EXT2: variants seen among roughly 807,000 people sequenced by gnomAD.
The protein encoded by EXT2 is exostosin-2.
A neutral mutation model predicts 81.6 loss-of-function variants in EXT2; 53 were observed. The ratio of observed to expected loss-of-function variants is 0.65; its 90% CI spans 0.52 to 0.82. EXT2 has a LOEUF of 0.82. Among genes scored for constraint, EXT2 ranks in the 40% least tolerant of loss-of-function variants. The pLI is 0.00. For synonymous variants in EXT2, 320 were observed against 340.0 expected (o/e 0.94, Z 0.65); for missense variants, 774 against 910.2 (o/e 0.85, Z 1.93).
chr11:44,132,214 G>C (rs1414864685), intron 7 of EXT2, among the ~76,000 whole-genome samples: 1 of 152,238 alleles, frequency 6.6e-6, no homozygotes, highest in African/African-American at 2.4e-5. Context: ...CCCTGAAGCT[G>C]TGAAAGAGAA....
chr11:44,189,684 C>T (rs1325516586), intron 8 of EXT2, among the ~76,000 whole-genome samples: 3 of 152,278 alleles, frequency 2.0e-5, no homozygotes, highest in Non-Finnish European at 2.9e-5. Flanking sequence ...CCCACCAGGC[C>T]CCTCCTCCAA....
intron 7 of EXT2, among the ~76,000 whole-genome samples, chr11:44,144,744 T>C (rs1191363266): frequency 6.6e-6 from 1 of 152,212 alleles, no homozygotes; most frequent in East Asian, 1.9e-4. Context: ...CCCCTTCTTG[T>C]TTCCTGGAGG....
At position 44,247,527 on chromosome 11, in the gene EXT2, C is replaced by G. The variant is rs1268655250; in HGVS notation, c.*3240C>G. On this transcript the variant is annotated 3_prime_UTR_variant, in exon 14 of 14. Transcript: ENST00000533608. Reference sequence around the variant, plus strand: ...TTGACCTCCCAAAGTGCTGGGATTACGGGCGTGAGTCCCCACGCTCAGCCA... The same window carrying G: ...TTGACCTCCCAAAGTGCTGGGATTAGGGGCGTGAGTCCCCACGCTCAGCCA... Among the ~76,000 whole-genome samples, 32 of 152,334 alleles carry G rather than the reference C, an allele frequency of 2.1e-4. No individual in the cohort carries two copies. The highest frequency in any genetic ancestry group is 2.0e-3 in the Admixed American group (31 of 15,302).
chr11:44,143,511 G>A (rs1590590266), intron 7 of EXT2, among the ~76,000 whole-genome samples: 1 of 152,184 alleles, frequency 6.6e-6, no homozygotes, highest in Non-Finnish European at 1.5e-5. Context: ...TCCTTCAGAT[G>A]AGAAGGGGCA....
chr11:44,118,844 A>G (rs12365900), intron 4 of EXT2, among the ~76,000 whole-genome samples: 34,380 of 151,874 alleles, frequency 0.23, 4,852 homozygotes, highest in Middle Eastern at 0.32. Flanking sequence ...GTAGCACGAG[A>G]TAGAAATAAC....
intron 8 of EXT2, among the ~76,000 whole-genome samples, chr11:44,177,025 A>G (rs76653141): frequency 1.3e-5 from 2 of 151,998 alleles, no homozygotes; most frequent in Non-Finnish European, 2.9e-5. Flanking sequence ...TCTTATCTGT[A>G]AAACTAGGGT....
At chr11:44,156,705 C>T (rs1017400604) in intron 7 of EXT2, among the ~76,000 whole-genome samples, 9 of 152,188 alleles carry the variant, frequency 5.9e-5, no homozygotes, top group Non-Finnish European at 8.8e-5. Context: ...CTCTGTCACT[C>T]CAGGATTGGT....
At chr11:44,242,713 A>G (rs1363167637) in intron 13 of EXT2, among the ~76,000 whole-genome samples, 1 of 152,214 alleles carries the variant, frequency 6.6e-6, no homozygotes, top group African/African-American at 2.4e-5. Context: ...CTGTCACATA[A>G]TAGGTGCTCA....
chr11:44,097,616 TTG>T (rs1426582617), intron 1 of EXT2, among the ~76,000 whole-genome samples: 1 of 151,892 alleles, frequency 6.6e-6, no homozygotes, highest in Admixed American at 6.6e-5. Context: ...TGATGAAAAC[TTG>T]TCTCTACTAA....
At chr11:44,235,641 C>A (rs928315804) in intron 12 of EXT2, among the ~76,000 whole-genome samples, 2 of 152,144 alleles carry the variant, frequency 1.3e-5, no homozygotes, top group African/African-American at 4.8e-5. Flanking sequence ...TTAGCCTAGA[C>A]TTAGTTATCT....
At position 44,189,425 on chromosome 11, in the gene EXT2, A is replaced by C. The variant is rs1261211691; in HGVS notation, c.1306-8404A>C. Among the ~76,000 whole-genome samples the C allele has an allele frequency of 5.3e-5, 8 of 152,236 alleles. No homozygotes were observed. The East Asian group carries it at 1.5e-3, about 29-fold the overall frequency. On this transcript the variant is annotated intron_variant, in intron 8 of 13. Coordinates refer to ENST00000533608, the MANE Select transcript of EXT2 (RefSeq NM_207122.2). ...AGAATTACCTGAGACTGGATAATTT[A>C]GAAAGAAAAGAGGTTTAATTGGCTC...
chr11:44,237,671 T>C (rs1955982185), intron 13 of EXT2, among the ~76,000 whole-genome samples: 1 of 151,924 alleles, frequency 6.6e-6, no homozygotes, highest in Non-Finnish European at 1.5e-5. Flanking sequence ...AAAGGAAGTA[T>C]AGGAAGAAAA....
rs986537048 is a variant in EXT2 at position 44,249,993 on chromosome 11, C to G, written c.*5706C>G. Among the ~76,000 whole-genome samples the G allele has an allele frequency of 4.6e-5, 7 of 152,206 alleles. No homozygotes were observed. The highest frequency in any genetic ancestry group is 1.7e-4 in the African/African-American group (7 of 41,448). On this transcript the variant is annotated 3_prime_UTR_variant, in exon 14 of 14. Coordinates refer to ENST00000533608, the MANE Select transcript of EXT2 (RefSeq NM_207122.2). ...GCTGAGGCAGGAGAATGGCGTGAAC[C>G]TGAGAGGTGGAGCTTGCAGTGAGCT... is the stretch of plus-strand genomic sequence containing the variant.
Position 44,108,268 on chromosome 11 carries a change from C to T in EXT2, c.536+20C>T, listed in dbSNP as rs1384936721. On this transcript the variant is annotated intron_variant, in intron 2 of 13. Transcript: ENST00000533608. ...CTCTAGGTATCTCACACTCATACAG[C>T]CCAGCCCCCAGGAGATACTTGAGTG... 6.2e-7 allele frequency: 1 copy of T among 1,607,516 alleles called. No individual in the cohort carries two copies. Among genetic ancestry groups the T allele is most frequent in the Non-Finnish European group, 8.5e-7 (1 of 1,178,846 alleles).
At chr11:44,236,564 A>C (rs1442619527) in intron 13 of EXT2, among the ~76,000 whole-genome samples, 189 bp downstream of exon 13, 1 of 152,154 alleles carries the variant, frequency 6.6e-6, no homozygotes, top group Admixed American at 6.5e-5. Context: ...AATGCTACTC[A>C]CTCAATTTGT....
Position 44,108,226 on chromosome 11 carries a change from C to A in EXT2, c.514C>A (p.Gln172Lys), listed in dbSNP as rs121918279. ...QNTLRIKETA[Q>K]AMAQLSRWDR... ...CACACTGCGCATCAAGGAGACAGCA[C>A]AAGCGATGGCCCAGCTCTCTAGGTA... is the stretch of plus-strand genomic sequence containing the variant. Residue 172 changes from glutamine to lysine, a missense_variant, in exon 2 of 14, where the codon CAA (glutamine) becomes AAA (lysine). Coordinates refer to ENST00000533608, the MANE Select transcript of EXT2 (RefSeq NM_207122.2). 1 of 1,613,066 alleles carries A rather than the reference C, an allele frequency of 6.2e-7. No individual in the cohort carries two copies. Among genetic ancestry groups the A allele is most frequent in the Non-Finnish European group, 8.5e-7 (1 of 1,180,006 alleles).
At chr11:44,155,798 C>G (rs1421058808) in intron 7 of EXT2, among the ~76,000 whole-genome samples, 1 of 152,104 alleles carries the variant, frequency 6.6e-6, no homozygotes, top group Non-Finnish European at 1.5e-5. Flanking sequence ...TTATAATATT[C>G]TGTGTGTGTC....
intron 7 of EXT2, among the ~76,000 whole-genome samples, chr11:44,166,543 TTTC>T (rs1466421229): frequency 6.6e-6 from 1 of 152,248 alleles, no homozygotes; most frequent in African/African-American, 2.4e-5. Flanking sequence ...CATGCTTTGC[TTTC>T]TTCTTATTAG....
chr11:44,139,190 TA>T (rs1954612003), intron 7 of EXT2, among the ~76,000 whole-genome samples: 1 of 151,700 alleles, frequency 6.6e-6, no homozygotes, highest in Admixed American at 6.6e-5. Context: ...AGTGACTCTT[TA>T]GCTGACCTTT....
Sources: gnomAD v4.1 joint callset for allele counts (sites outside exome capture counted in the v4.1 genomes callset) on GRCh38, gnomAD v4.1.1 for gene constraint, MANE v1.5 for transcripts, NCBI Gene and HGNC (gene_info 2026-07-23, HGNC 2026-07-21) for gene names.